PLD5: variants seen among roughly 807,000 people sequenced by gnomAD.
The protein encoded by PLD5 is inactive phospholipase D5.
PLD5 carries 36 observed loss-of-function variants against 61.1 expected under a neutral mutation model. The observed-to-expected ratio is 0.59, with a 90% CI of 0.45 to 0.78. The LOEUF (loss-of-function observed/expected upper bound fraction) is 0.78, where lower values mean the gene tolerates loss of function less well. Ranked by LOEUF, PLD5 falls within the 30% of genes least tolerant of loss-of-function variation. The probability of loss-of-function intolerance (pLI) is 0.00; values close to 1 mark genes in which losing one functional copy is unlikely to be tolerated. For synonymous variants in PLD5, 243 were observed against 242.8 expected (o/e 1.00, Z -0.01); for missense variants, 515 against 644.4 (o/e 0.80, Z 2.17).
At chr1:242,239,299 C>T (rs1284838433) in intron 4 of PLD5, among the ~76,000 whole-genome samples, 1 of 151,826 alleles carries the variant, frequency 6.6e-6, no homozygotes, top group Non-Finnish European at 1.5e-5. Flanking sequence ...AAACACAGTC[C>T]TTGTTGGTGG....
At chr1:242,134,851 C>G (rs150726327) in intron 5 of PLD5, among the ~76,000 whole-genome samples, 2 of 152,322 alleles carry the variant, frequency 1.3e-5, no homozygotes, top group African/African-American at 4.8e-5. Flanking sequence ...GCTTCCCTGT[C>G]TGTGAAGTTC....
intron 5 of PLD5, among the ~76,000 whole-genome samples, chr1:242,128,634 T>TA (rs1662992849): frequency 6.6e-6 from 1 of 152,206 alleles, no homozygotes; most frequent in African/African-American, 2.4e-5. Flanking sequence ...AGGATGTGAT[T>TA]ATTCTGGATA....
In PLD5 at chr1:242,084,065, CTTTTCTCCTTACTAAT is replaced by C. The variant is rs1016027970; in HGVS notation, c.*5773_*5788del. On this transcript the variant is annotated 3_prime_UTR_variant, in exon 10 of 10. Transcript: ENST00000536534. ...AGATATCCACTTCATAAAAAGAGAT[CTTTTCTCCTTACTAAT>C]TTATCTCTCATATAAAAATAAATCA... 7.2e-5 allele frequency: 11 copies of C among 152,228 alleles called. No individual in the cohort carries two copies. The highest frequency in any genetic ancestry group is 6.2e-4 in the South Asian group (3 of 4,822). 9.4% of individuals were successfully genotyped at this position (152,228 alleles called of 1,614,324 possible). A position where few individuals can be genotyped will look rare whatever the true frequency, so the allele number is the denominator to read the frequency against.
At chr1:242,093,544 T>G (rs1356790320) in intron 9 of PLD5, among the ~76,000 whole-genome samples, 1 of 151,860 alleles carries the variant, frequency 6.6e-6, no homozygotes, top group East Asian at 1.9e-4. Context: ...CACAGAAGGG[T>G]TAAGTAATTT....
intron 5 of PLD5, among the ~76,000 whole-genome samples, chr1:242,134,956 C>T (rs927398398): frequency 6.6e-6 from 1 of 152,180 alleles, no homozygotes; most frequent in African/African-American, 2.4e-5. Flanking sequence ...AATCGCTGCC[C>T]ATCCAGAAAG....
rs1286987658 is a variant in PLD5, at chr1:242,393,582, G to A, written c.190-45340C>T. On this transcript the variant is annotated intron_variant, in intron 1 of 9. Coordinates refer to ENST00000536534, the MANE Select transcript of PLD5 (RefSeq NM_001372062.1). ...TGAGTATATATGTGTATATATATGA[G>A]TATACATATGTGTATATATATGAGC... Among the ~76,000 whole-genome samples the A allele has an allele frequency of 2.2e-5, 2 of 91,336 alleles. 1 individual carries two copies. The highest frequency in any genetic ancestry group is 4.1e-5 in the Non-Finnish European group (2 of 49,128). The allele number at this position is 91,336 out of a possible 152,430, so 59.9% of individuals were successfully genotyped here.
intron 5 of PLD5, among the ~76,000 whole-genome samples, chr1:242,136,742 A>C (rs1185148317): frequency 6.6e-6 from 1 of 152,222 alleles, no homozygotes; most frequent in Non-Finnish European, 1.5e-5. Flanking sequence ...TCAATATTCA[A>C]AAACAGGGTA....
rs564114238 is a variant in PLD5 at position 242,332,888 on chromosome 1, A to C, written c.326+15218T>G. Among the ~76,000 whole-genome samples the C allele has an allele frequency of 3.3e-5, 5 of 152,342 alleles. No individual in the cohort carries two copies. In the East Asian group the frequency reaches 7.7e-4, roughly 24 times the overall value. ...ACTCGTAGATACCAAGTACTATATC[A>C]GAGGTCAGCTCTGGGCAGTGTGGTA... On this transcript the variant is annotated intron_variant, in intron 2 of 9. Coordinates refer to ENST00000536534, the MANE Select transcript of PLD5 (RefSeq NM_001372062.1).
intron 1 of PLD5, among the ~76,000 whole-genome samples, chr1:242,494,878 C>CTTTTTTTTTTTCTTTT (rs556893161): frequency 7.4e-6 from 1 of 135,890 alleles, no homozygotes; most frequent in Non-Finnish European, 1.6e-5. Context: ...TTTTTCTTTT[C>CTTTTTTTTTTTCTTTT]TGTTTTTTTT....
chr1:242,321,980 T>C (rs1425867658), intron 2 of PLD5, among the ~76,000 whole-genome samples: 1 of 152,148 alleles, frequency 6.6e-6, no homozygotes, highest in East Asian at 1.9e-4. Context: ...AAAACACCAA[T>C]GAGATGGTAC....
chr1:242,204,616 T>G (rs1330351645), intron 5 of PLD5, among the ~76,000 whole-genome samples: 3 of 152,144 alleles, frequency 2.0e-5, no homozygotes, highest in Non-Finnish European at 4.4e-5. Flanking sequence ...TTCCTAGTCA[T>G]CAACTCAAAT....
intron 9 of PLD5, 54 bp downstream of exon 9, chr1:242,100,613 AC>A: frequency 7.6e-7 from 1 of 1,311,996 alleles, no homozygotes; most frequent in Non-Finnish European, 1.1e-6. Flanking sequence ...GCACAGCTGG[AC>A]TACCACTCCC....
chr1:242,494,095 C>CCTCTCCTCCG (rs1431972634), intron 1 of PLD5, among the ~76,000 whole-genome samples: 29 of 80,420 alleles, frequency 3.6e-4, no homozygotes, highest in African/African-American at 1.1e-3. Flanking sequence ...CCTCCCTTCC[C>CCTCTCCTCCG]CTCTCCTCCC....
At chr1:242,322,851 G>C (rs989758866) in intron 2 of PLD5, among the ~76,000 whole-genome samples, 4 of 152,114 alleles carry the variant, frequency 2.6e-5, no homozygotes, top group Admixed American at 2.0e-4. Flanking sequence ...AAACTACCCA[G>C]TCTCAGGTAG....
At chr1:242,118,628 A>T (rs1662130452) in intron 6 of PLD5, among the ~76,000 whole-genome samples, 1 of 152,204 alleles carries the variant, frequency 6.6e-6, no homozygotes, top group South Asian at 2.1e-4. Context: ...CTGTTGCTTC[A>T]ATCTGGGTAT....
At chr1:242,104,924 A>T (rs1026421186) in intron 8 of PLD5, among the ~76,000 whole-genome samples, 5 of 152,188 alleles carry the variant, frequency 3.3e-5, no homozygotes, top group Admixed American at 3.3e-4. Context: ...TCCTTCACTT[A>T]TTTAAAAAGT....
chr1:242,338,178 C>G (rs1013073026), intron 2 of PLD5, among the ~76,000 whole-genome samples: 1 of 152,136 alleles, frequency 6.6e-6, no homozygotes, highest in Non-Finnish European at 1.5e-5. Flanking sequence ...AGGAAAATTT[C>G]TAATTACAGG....
intron 5 of PLD5, among the ~76,000 whole-genome samples, chr1:242,182,730 C>CT (rs1456468302): frequency 3.9e-5 from 6 of 152,164 alleles, no homozygotes; most frequent in Admixed American, 6.6e-5. Flanking sequence ...GAAATCCCAG[C>CT]TACTTGGGAG....
intron 2 of PLD5, among the ~76,000 whole-genome samples, chr1:242,289,147 A>G (rs1025438414): frequency 6.6e-6 from 1 of 152,188 alleles, no homozygotes; most frequent in Non-Finnish European, 1.5e-5. Flanking sequence ...CAAGCCCTAA[A>G]TAAACTGCAA....
Sources: gnomAD v4.1 joint callset for allele counts (sites outside exome capture counted in the v4.1 genomes callset) on GRCh38, gnomAD v4.1.1 for gene constraint, MANE v1.5 for transcripts, NCBI Gene and HGNC (gene_info 2026-07-23, HGNC 2026-07-21) for gene names.